RETSAT: variants seen among roughly 807,000 people sequenced by gnomAD.
RETSAT encodes the protein retinol saturase.
A neutral mutation model predicts 61.6 loss-of-function variants in RETSAT; 35 were observed. The ratio of observed to expected loss-of-function variants is 0.57; its 90% confidence interval spans 0.43 to 0.75. The LOEUF (loss-of-function observed/expected upper bound fraction) is 0.75. Ranked by LOEUF, RETSAT falls within the 30% of genes least tolerant of loss-of-function variation. The pLI is 0.00. For missense variants in RETSAT, 670 were observed against 759.5 expected, an observed-to-expected ratio of 0.88 and a Z score of 1.38; for synonymous variants, 277 against 310.4, an observed-to-expected ratio of 0.89 and a Z score of 1.13.
At position 85,350,306 on chromosome 2, in the gene RETSAT, C is replaced by T. The variant is rs1683277231; in HGVS notation, c.598-65G>A. 1.0e-5 allele frequency: 13 copies of T among 1,245,808 alleles called. 1 individual carries two copies. The South Asian group carries it at 1.3e-4, about 13-fold the overall frequency. The allele number at this position is 1,245,808 out of a possible 1,614,324, so 77.2% of individuals were successfully genotyped here. A position where few individuals can be genotyped will look rare whatever the true frequency, so the allele number is the denominator to read the frequency against. On this transcript the variant is annotated intron_variant, in intron 3 of 10. Transcript: ENST00000295802. The stretch of plus-strand genomic sequence containing the variant: ...ACCGCTTTGACAGAACTGCTATCCC[C>T]ATAGCCTGGACCAGCCCAAGAATCC...
At chr2:85,349,690 C>A (rs1683266678) in intron 4 of RETSAT, 109 bp from the exon 5 acceptor site, 4 of 960,638 alleles carry the variant, frequency 4.2e-6, no homozygotes, top group Admixed American at 4.1e-5. Context: ...ATCCGAGGAA[C>A]CACATGTTCC....
intron 5 of RETSAT, among the ~76,000 whole-genome samples, chr2:85,346,899 G>A (rs560493937): frequency 6.6e-6 from 1 of 152,148 alleles, no homozygotes; most frequent in Non-Finnish European, 1.5e-5. Flanking sequence ...TCCGTCTCTG[G>A]TCACTCTCAC....
At chr2:85,344,501 T>C (rs751409390) in intron 7 of RETSAT, 93 bp downstream of exon 7, 1 of 1,566,076 alleles carries the variant, frequency 6.4e-7, no homozygotes, top group Non-Finnish European at 8.7e-7. Context: ...AATTAGAAAT[T>C]GCCTACTTCC....
In RETSAT at chr2:85,344,658, T is replaced by C; in HGVS notation, c.1192A>G (p.Lys398Glu). 6.2e-7 allele frequency: 1 copy of C among 1,614,178 alleles called. No individual in the cohort carries two copies. The highest frequency in any genetic ancestry group is 8.5e-7 in the Non-Finnish European group (1 of 1,180,028). ...TSVFICLRGT[K>E]EDLHLPSTNY... ...GTGGACGGCAGATGCAGGTCTTCCT[T>C]GGTGCCTCGCAGGCAGATGAAAACA... Residue 398 changes from lysine (K) to glutamate (E), a missense_variant, in exon 7 of 11, where the codon AAG becomes GAG. Physicochemically the swap from Lys to Glu is moderately conservative, Grantham distance 56 (BLOSUM62 1). Coordinates refer to ENST00000295802, the MANE Select transcript of RETSAT (RefSeq NM_017750.4).
intron 3 of RETSAT, 75 bp downstream of exon 3, chr2:85,350,705 C>T (rs978929867): frequency 1.3e-5 from 20 of 1,565,646 alleles, no homozygotes; most frequent in Non-Finnish European, 1.7e-5. Context: ...TCTCCACCCC[C>T]AGTGCCTCCA....
In RETSAT at chr2:85,344,006, T is replaced by C. The variant is rs549508278; in HGVS notation, c.1526A>G (p.Glu509Gly). ...SVVLKLFPQL[E>G]GKVESVTAGS... is the part of the protein sequence containing the mutation. ...AAATACTTTACCCCCTACCTTCCCC[T>C]CCAGCTGTGGGAACAGTTTCAGGAC... is the stretch of plus-strand genomic sequence containing the variant. Residue 509 changes from glutamate (E) to glycine (G), a missense_variant, in exon 9 of 11, where the codon GAG (glutamate) becomes GGG (glycine). Transcript: ENST00000295802. 19 of 1,614,002 alleles carry C rather than the reference T, an allele frequency of 1.2e-5. No individual in the cohort carries two copies. The South Asian group carries it at 2.1e-4, about 18-fold the overall frequency.
At chr2:85,349,783 C>T in intron 4 of RETSAT, 1 of 631,144 alleles carries the variant, frequency 1.6e-6, no homozygotes, top group South Asian at 2.0e-5. Flanking sequence ...GAATACCCCC[C>T]CTGCAAACTG....
intron 5 of RETSAT, 140 bp downstream of exon 5, chr2:85,349,242 GGA>G: frequency 5.5e-6 from 4 of 733,640 alleles, no homozygotes; most frequent in Non-Finnish European, 6.9e-6. Context: ...CACTATCCCT[GGA>G]CCCTGCTCTG....
intron 5 of RETSAT, among the ~76,000 whole-genome samples, chr2:85,348,214 C>T (rs1683233715): frequency 6.6e-6 from 1 of 152,158 alleles, no homozygotes; most frequent in Non-Finnish European, 1.5e-5. Context: ...TTGCTGGCCT[C>T]CATACTATCC....
chr2:85,343,528 C>G, intron 10 of RETSAT, 111 bp downstream of exon 10: 2 of 1,541,008 alleles, frequency 1.3e-6, no homozygotes, highest in Non-Finnish European at 1.8e-6. Context: ...CAGCCCTGCT[C>G]AGGGGATGGG....
intron 5 of RETSAT, among the ~76,000 whole-genome samples, chr2:85,348,129 A>T (rs1463724804): frequency 2.6e-5 from 4 of 152,130 alleles, no homozygotes; most frequent in Non-Finnish European, 5.9e-5. Flanking sequence ...CTGAGTCCCT[A>T]TGCGGGTTAC....
At position 85,351,743 on chromosome 2, in the gene RETSAT, G is replaced by A; in HGVS notation, c.292C>T (p.Gln98Ter). ...CAGCAGCCCCCTGCCTTGGTATGTT[G>A]TTCCAGCACCAGGACTCGCTTGCCA... Reference protein sequence around the residue: ...KAGKRVLVLEQHTKAGGCCHT... With the variant: ...KAGKRVLVLE The change falls in exon 2 of 11, where the codon CAA becomes TAA. Residue 98 changes from glutamine (Q) to a stop codon, truncating the protein, a stop_gained. Coordinates refer to ENST00000295802, the MANE Select transcript of RETSAT (RefSeq NM_017750.4). LOFTEE classifies it high-confidence loss of function. The A allele has an allele frequency of 6.2e-7, 1 of 1,614,166 alleles. No homozygotes were observed. Among genetic ancestry groups the A allele is most frequent in the Non-Finnish European group, 8.5e-7 (1 of 1,180,022 alleles).
At chr2:85,353,363 G>C (rs1683348136) in intron 1 of RETSAT, among the ~76,000 whole-genome samples, 1 of 152,254 alleles carries the variant, frequency 6.6e-6, no homozygotes, top group Admixed American at 6.5e-5. Context: ...GAACCCAGGA[G>C]GCGGAAGTTG....
rs548725003 is a variant in RETSAT, at chr2:85,345,916, C to T, written c.1117+59G>A. The T allele has an allele frequency of 6.0e-5, 96 of 1,612,856 alleles. No homozygotes were observed. In the South Asian group the frequency reaches 9.8e-4, roughly 16 times the overall value. On this transcript the variant is annotated intron_variant, in intron 6 of 10. Coordinates refer to ENST00000295802, the MANE Select transcript of RETSAT (RefSeq NM_017750.4). ...GCATGACCCACACGGAGCAGGTTGGCTCCAGAAGGGGACACATTGGGGAAC... is the reference window on the plus strand; with the variant it reads ...GCATGACCCACACGGAGCAGGTTGGTTCCAGAAGGGGACACATTGGGGAAC...
chr2:85,353,599 A>C (rs1281041137), intron 1 of RETSAT, among the ~76,000 whole-genome samples: 1 of 152,250 alleles, frequency 6.6e-6, no homozygotes, highest in Non-Finnish European at 1.5e-5. Context: ...AGTCCAAGCT[A>C]AAACTCAGTT....
At chr2:85,347,520 C>T (rs1164526198) in intron 5 of RETSAT, among the ~76,000 whole-genome samples, 2 of 151,896 alleles carry the variant, frequency 1.3e-5, no homozygotes, top group Admixed American at 1.3e-4. Flanking sequence ...AGCCACTGCG[C>T]CTGGCCCTGG....
chr2:85,350,086 G>A lies in RETSAT; in HGVS notation c.753C>T (p.Ala251=), dbSNP rs1023699172. 9.3e-6 allele frequency: 15 copies of A among 1,613,844 alleles called. No individual in the cohort carries two copies. The highest frequency in any genetic ancestry group is 1.3e-5 in the Non-Finnish European group (15 of 1,180,044). Residue 251 remains alanine (A), a synonymous_variant, in exon 4 of 11, where the codon GCC becomes GCT. Coordinates refer to ENST00000295802, the MANE Select transcript of RETSAT (RefSeq NM_017750.4). The part of the protein sequence containing the change: ...SLAEVLQQLG[A]SSELQAVLSY... ...TGAGTACTGCCTGGAGCTCAGAGGAGGCCCCCAGCTGCTGCAGGACCTCAG... is the reference window on the plus strand; with the variant it reads ...TGAGTACTGCCTGGAGCTCAGAGGAAGCCCCCAGCTGCTGCAGGACCTCAG...
chr2:85,349,377 C>T lies in RETSAT; in HGVS notation c.997+7G>A, dbSNP rs1391520041. 1 of 1,613,916 alleles carries T rather than the reference C, an allele frequency of 6.2e-7. No homozygotes were observed. The highest frequency in any genetic ancestry group is 8.5e-7 in the Non-Finnish European group (1 of 1,179,904). Reference sequence around the variant, plus strand: ...CCCAGAAGGGCAGGGCGGGGCAGGGCTCTCACCACAGGCTTTCCCAGCTGA... The same window carrying T: ...CCCAGAAGGGCAGGGCGGGGCAGGGTTCTCACCACAGGCTTTCCCAGCTGA... On this transcript the variant is annotated splice_region_variant and intron_variant, in intron 5 of 10. Transcript: ENST00000295802.
chr2:85,348,682 T>A (rs1293875111), intron 5 of RETSAT, among the ~76,000 whole-genome samples: 1 of 149,980 alleles, frequency 6.7e-6, no homozygotes, highest in Non-Finnish European at 1.5e-5. Context: ...GGGTAAATAA[T>A]TTTATCTATT....
Sources: allele counts gnomAD v4.1 joint callset (sites outside exome capture counted in the v4.1 genomes callset), GRCh38; gene constraint gnomAD v4.1.1; transcripts MANE v1.5; gene names NCBI Gene and HGNC (gene_info 2026-07-23, HGNC 2026-07-21).